SYNPO: variants seen among roughly 807,000 people sequenced by gnomAD.
SYNPO encodes the protein synaptopodin.
SYNPO carries 19 observed loss-of-function variants against 49.5 expected under a neutral mutation model. The ratio of observed to expected loss-of-function variants is 0.38; its 90% CI spans 0.27 to 0.56. The LOEUF is 0.56. Among genes scored for constraint, SYNPO ranks in the 20% least tolerant of loss-of-function variants. SYNPO has a pLI of 0.68. For missense variants in SYNPO, 1,131 were observed against 1,248.3 expected (o/e 0.91, Z 1.42); for synonymous variants, 536 against 548.0 (o/e 0.98, Z 0.31).
chr5:150,636,395 C>G (rs1757716564), upstream of SYNPO, among the ~76,000 whole-genome samples: 1 of 152,230 alleles, frequency 6.6e-6, no homozygotes, highest in African/African-American at 2.4e-5. Flanking sequence ...GGGCACCACA[C>G]TCTAGGAACC....
At chr5:150,592,305 T>C in the SYNPO span, among the ~76,000 whole-genome samples, 4 of 152,372 alleles carry the variant, frequency 2.6e-5, no homozygotes, top group Admixed American at 2.6e-4. Context: ...TGGAAAAAGT[T>C]ATTTCTTATT....
At chr5:150,650,355 T>C (rs1263878243) in intron 2 of SYNPO, 52 bp downstream of exon 2, 1 of 1,611,014 alleles carries the variant, frequency 6.2e-7, no homozygotes, top group African/African-American at 1.3e-5. Context: ...GGGGTCCCAC[T>C]GCCGGTCAAG....
chr5:150,605,815 TACAG>T (rs1171994889), intron 1 of SYNPO, among the ~76,000 whole-genome samples: 3 of 150,244 alleles, frequency 2.0e-5, no homozygotes, highest in South Asian at 2.1e-4. Context: ...CAGAGACACG[TACAG>T]ACACACACAT....
chr5:150,612,132 C>T (rs548167398), intron 1 of SYNPO, among the ~76,000 whole-genome samples: 2 of 152,322 alleles, frequency 1.3e-5, no homozygotes, highest in African/African-American at 4.8e-5. Context: ...ACAACAAAAG[C>T]TTTCTTCCTG....
chr5:150,634,668 A>T (rs952289936), intron 2 of SYNPO, among the ~76,000 whole-genome samples: 3 of 152,044 alleles, frequency 2.0e-5, no homozygotes, highest in Admixed American at 1.3e-4. Flanking sequence ...AAATTTTTTT[A>T]AAATTAGCCG....
chr5:150,603,413 A>G (rs572626253), intron 1 of SYNPO, among the ~76,000 whole-genome samples: 87 of 152,346 alleles, frequency 5.7e-4, no homozygotes, highest in Non-Finnish European at 7.3e-4. Flanking sequence ...TCTCCAGGCA[A>G]AGCTGGTCAG....
At chr5:150,640,239 T>C (rs1190286519), upstream of SYNPO, 5 of 913,852 alleles carry the variant, frequency 5.5e-6, no homozygotes, top group South Asian at 2.5e-4. Flanking sequence ...TTGGAGGGGG[T>C]GGTGGCATTC....
chr5:150,615,606 C>T (rs553733936), intron 1 of SYNPO, among the ~76,000 whole-genome samples: 9 of 152,344 alleles, frequency 5.9e-5, no homozygotes, highest in Non-Finnish European at 1.0e-4. Context: ...CTACAGAGTG[C>T]GAAAAGCACC....
chr5:150,608,634 C>G (rs1756759153), intron 1 of SYNPO: 1 of 152,134 alleles, frequency 6.6e-6, no homozygotes, highest in East Asian at 1.9e-4. Context: ...TTCCCCATCC[C>G]TGTATGATCT....
chr5:150,644,620 G>C (rs932889900), intron 1 of SYNPO, among the ~76,000 whole-genome samples: 1 of 152,208 alleles, frequency 6.6e-6, no homozygotes, highest in Non-Finnish European at 1.5e-5. Flanking sequence ...CTCATGTCAA[G>C]TTAAGGAGAC....
chr5:150,595,510 G>A, the SYNPO span, among the ~76,000 whole-genome samples: 2 of 152,208 alleles, frequency 1.3e-5, no homozygotes, highest in Non-Finnish European at 1.5e-5. Context: ...CTCTGGGTAG[G>A]CATTAGGAGT....
chr5:150,618,320 C>G, exon 2 of SYNPO: 1 of 1,515,432 alleles, frequency 6.6e-7, no homozygotes, highest in Non-Finnish European at 8.9e-7. Flanking sequence ...AGGCCCTGGC[C>G]CAGGCCCAGG....
At chr5:150,600,116 C>A (rs1434457692), upstream of SYNPO, among the ~76,000 whole-genome samples, 1 of 152,260 alleles carries the variant, frequency 6.6e-6, no homozygotes, top group East Asian at 1.9e-4. Context: ...CCTCTCTGGG[C>A]CTCTGCTTTT....
At chr5:150,647,376 AT>A (rs1259247027) in intron 1 of SYNPO, among the ~76,000 whole-genome samples, 1 of 152,158 alleles carries the variant, frequency 6.6e-6, no homozygotes, top group Non-Finnish European at 1.5e-5. Flanking sequence ...AACAAAACAG[AT>A]GGGATAGGAG....
Position 150,649,024 on chromosome 5 carries a change from G to T in SYNPO, c.749G>T (p.Gly250Val), listed in dbSNP as rs751008028. ...CCTTTTGGGATCCAGGCGCCAGGGG[G>T]CACCAGCCAGATGGAGAGGAGCCCC... Reference protein sequence around the residue: ...ARPFGIQAPGGTSQMERSPML... With the variant: ...ARPFGIQAPGVTSQMERSPML... The change falls in exon 2 of 3, where the codon GGC (glycine) becomes GTC (valine). Residue 250 changes from glycine to valine, a missense_variant. Gly to Val is a moderately radical substitution (Grantham distance 109). Transcript: ENST00000307662. The T allele has an allele frequency of 3.7e-6, 6 of 1,614,110 alleles. No individual in the cohort carries two copies. Among genetic ancestry groups the T allele is most frequent in the South Asian group, 2.2e-5 (2 of 91,090 alleles).
chr5:150,614,581 G>A (rs1457146149), intron 1 of SYNPO: 2 of 152,276 alleles, frequency 1.3e-5, no homozygotes, highest in Non-Finnish European at 2.9e-5. Context: ...TACAACTGCA[G>A]GTAAATCCTT....
chr5:150,597,249 G>T (rs1006382359), upstream of SYNPO, among the ~76,000 whole-genome samples: 1 of 152,190 alleles, frequency 6.6e-6, no homozygotes, highest in African/African-American at 2.4e-5. Flanking sequence ...TACACAGGAG[G>T]CTCAGTGAGC....
At chr5:150,655,692 G>A (rs1323392308) in intron 2 of SYNPO, among the ~76,000 whole-genome samples, 2 of 152,184 alleles carry the variant, frequency 1.3e-5, no homozygotes, top group African/African-American at 2.4e-5. Flanking sequence ...TCGCTGTGTT[G>A]CCCAGGCTGG....
rs956875512 is a variant in SYNPO at position 150,657,113 on chromosome 5, G to A, written c.*26G>A. 2.6e-6 allele frequency: 4 copies of A among 1,551,018 alleles called. No individual in the cohort carries two copies. The Admixed American group carries it at 5.8e-5, about 22-fold the overall frequency. On this transcript the variant is annotated 3_prime_UTR_variant, in exon 3 of 3. Coordinates refer to ENST00000307662, the MANE Select transcript of SYNPO (RefSeq NM_007286.6). ...AGCCCCACCCCCGACCCCACCCCGGGAGGGCAGAGCCAGAAGAAGGCTCAT... is the reference window on the plus strand; with the variant it reads ...AGCCCCACCCCCGACCCCACCCCGGAAGGGCAGAGCCAGAAGAAGGCTCAT...
Sources: allele counts gnomAD v4.1 joint callset (sites outside exome capture counted in the v4.1 genomes callset), GRCh38; gene constraint gnomAD v4.1.1; transcripts MANE v1.5; gene names NCBI Gene and HGNC (gene_info 2026-07-23, HGNC 2026-07-21).